Variants in ENTREP2 observed in about 807,000 individuals in gnomAD.
ENTREP2 encodes the protein protein ENTREP2.
At chr15:29,595,700 T>A in the ENTREP2 span, among the ~76,000 whole-genome samples, 342 of 152,328 alleles carry the variant, frequency 2.2e-3, 2 homozygotes, top group Non-Finnish European at 3.5e-3. Flanking sequence ...CTGGACTGTT[T>A]ATTTATATAA....
At chr15:29,589,554 C>G in the ENTREP2 span, among the ~76,000 whole-genome samples, 1 of 152,172 alleles carries the variant, frequency 6.6e-6, no homozygotes, top group African/African-American at 2.4e-5. Context: ...TGGTGCTTGA[C>G]AAGCACACTC....
the ENTREP2 span, among the ~76,000 whole-genome samples, chr15:29,600,898 C>CTTTTTTTTTTTTTTTTTTTTTTTTTT: frequency 6.1e-4 from 77 of 125,390 alleles, 14 homozygotes; most frequent in African/African-American, 1.6e-3. Context: ...TATGATTTTT[C>CTTTTTTTTTTTTTTTTTTTTTTTTTT]TTTCTTTTTT....
the ENTREP2 span, among the ~76,000 whole-genome samples, chr15:29,118,879 A>G: frequency 6.6e-6 from 1 of 152,188 alleles, no homozygotes. Context: ...GGCTTTGTTC[A>G]GAGGCGGTGG....
chr15:29,240,656 C>T, the ENTREP2 span, among the ~76,000 whole-genome samples: 547 of 152,248 alleles, frequency 3.6e-3, 2 homozygotes, highest in African/African-American at 0.012. Flanking sequence ...AAATAAATTA[C>T]CCAGTCTGTG....
chr15:29,633,464 G>C, the ENTREP2 span, among the ~76,000 whole-genome samples: 3 of 151,922 alleles, frequency 2.0e-5, no homozygotes, highest in Non-Finnish European at 2.9e-5. Flanking sequence ...ATGTTGGGGG[G>C]GGCGGGCATT....
the ENTREP2 span, chr15:29,612,499 A>G: frequency 6.5e-5 from 7 of 106,882 alleles, no homozygotes; most frequent in East Asian, 2.9e-4. Flanking sequence ...ACCAGCAGAG[A>G]AAAAAAAAAA....
At chr15:29,410,498 G>T in the ENTREP2 span, among the ~76,000 whole-genome samples, 1 of 151,754 alleles carries the variant, frequency 6.6e-6, no homozygotes, top group Non-Finnish European at 1.5e-5. Context: ...AATGTGCTCG[G>T]TAACTGCACT....
At chr15:29,632,025 C>T in the ENTREP2 span, among the ~76,000 whole-genome samples, 6 of 152,208 alleles carry the variant, frequency 3.9e-5, no homozygotes, top group African/African-American at 2.4e-5. Context: ...AAAGGACTTC[C>T]GTCCTGTGGG....
chr15:29,570,479 G>C, the ENTREP2 span: 3 of 1,222,786 alleles, frequency 2.5e-6, no homozygotes, highest in Non-Finnish European at 3.1e-6. Flanking sequence ...CCCGGAGCCC[G>C]TCCCCGCCTG....
the ENTREP2 span, among the ~76,000 whole-genome samples, chr15:29,339,819 G>C: frequency 6.6e-6 from 1 of 152,220 alleles, no homozygotes; most frequent in South Asian, 2.1e-4. Context: ...TGTCAAACGA[G>C]GTCCTGAAGA....
At chr15:29,557,224 G>A in the ENTREP2 span, among the ~76,000 whole-genome samples, 1 of 152,168 alleles carries the variant, frequency 6.6e-6, no homozygotes, top group Non-Finnish European at 1.5e-5. Flanking sequence ...CCTGCCTGAT[G>A]AGTTCCCACT....
chr15:29,584,695 G>A, the ENTREP2 span, among the ~76,000 whole-genome samples: 48 of 152,062 alleles, frequency 3.2e-4, no homozygotes, highest in African/African-American at 1.1e-3. Flanking sequence ...TTGGTCAAAG[G>A]GCAAAAACTT....
the ENTREP2 span, among the ~76,000 whole-genome samples, chr15:29,253,690 C>T: frequency 2.6e-5 from 4 of 152,102 alleles, no homozygotes; most frequent in African/African-American, 9.7e-5. Context: ...ATCTGCCCTC[C>T]TTGGCCTCCC....
the ENTREP2 span, among the ~76,000 whole-genome samples, chr15:29,188,270 G>A: frequency 6.6e-6 from 1 of 152,082 alleles, no homozygotes; most frequent in Non-Finnish European, 1.5e-5. Flanking sequence ...TATACTTTAA[G>A]TTTTGGGATA....
the ENTREP2 span, among the ~76,000 whole-genome samples, chr15:29,243,821 G>A: frequency 1.3e-5 from 2 of 152,096 alleles, no homozygotes; most frequent in Admixed American, 6.5e-5. Flanking sequence ...ATAACATAAT[G>A]AACATGGGAA....
the ENTREP2 span, among the ~76,000 whole-genome samples, chr15:29,147,395 T>A: frequency 6.6e-6 from 1 of 152,002 alleles, no homozygotes; most frequent in Non-Finnish European, 1.5e-5. Flanking sequence ...ATCATAAGTG[T>A]TGGCGTGGAT....
the ENTREP2 span, among the ~76,000 whole-genome samples, chr15:29,481,381 T>A: frequency 6.6e-6 from 1 of 152,018 alleles, no homozygotes; most frequent in African/African-American, 2.4e-5. Flanking sequence ...ACACTCAGAG[T>A]AGTAAGGCCC....
the ENTREP2 span, among the ~76,000 whole-genome samples, chr15:29,653,968 G>C: frequency 6.6e-6 from 1 of 152,112 alleles, no homozygotes; most frequent in Non-Finnish European, 1.5e-5. Context: ...CCACATTTCT[G>C]CTCAAGATTT....
the ENTREP2 span, among the ~76,000 whole-genome samples, chr15:29,429,745 C>T: frequency 6.6e-6 from 1 of 152,144 alleles, no homozygotes; most frequent in Non-Finnish European, 1.5e-5. Context: ...CCCCGTAGTT[C>T]TCAAAGGAAT....
Sources: allele counts gnomAD v4.1 joint callset (sites outside exome capture counted in the v4.1 genomes callset), GRCh38; gene constraint gnomAD v4.1.1; transcripts MANE v1.5; gene names NCBI Gene and HGNC (gene_info 2026-07-23, HGNC 2026-07-21).